Variants in CDH12 observed in about 807,000 individuals in gnomAD.
CDH12 encodes cadherin 12.
A neutral mutation model predicts 74.1 loss-of-function variants in CDH12; 41 were observed. The ratio of observed to expected loss-of-function variants is 0.55; its 90% CI spans 0.43 to 0.72. CDH12 has a LOEUF of 0.72. CDH12 is among the 30% of genes least tolerant of loss of function. The pLI is 0.00. For missense variants in CDH12, 945 were observed against 977.2 expected, an observed-to-expected ratio of 0.97 and a Z score of 0.44; for synonymous variants, 399 against 355.0, an observed-to-expected ratio of 1.12 and a Z score of -1.39.
In CDH12 at chr5:22,698,739, T is replaced by TATATA. The variant is rs1561586186; in HGVS notation, c.-523+154318_-523+154319insTATAT. Among the ~76,000 whole-genome samples, 4 of 27,708 alleles carry TATATA rather than the reference T, an allele frequency of 1.4e-4. 1 individual carries two copies. Among genetic ancestry groups the TATATA allele is most frequent in the South Asian group, 3.0e-3 (2 of 670 alleles). 18.2% of individuals were successfully genotyped at this position (27,708 alleles called of 152,430 possible). On this transcript the variant is annotated intron_variant, in intron 1 of 14. Coordinates refer to ENST00000382254, the MANE Select transcript of CDH12 (RefSeq NM_004061.5). ...TATATATATATATATATATATAGTG[T>TATATA]GTGTGTGTGTGTGTGTGTGTGTGTG...
chr5:22,576,705 A>G (rs1210768887), intron 1 of CDH12, among the ~76,000 whole-genome samples: 1 of 149,612 alleles, frequency 6.7e-6, no homozygotes, highest in East Asian at 2.0e-4. Flanking sequence ...TAGATCTCCA[A>G]GGAGGCGATG....
At chr5:22,654,153 C>A (rs1229249415) in intron 1 of CDH12, among the ~76,000 whole-genome samples, 1 of 149,474 alleles carries the variant, frequency 6.7e-6, no homozygotes, top group Non-Finnish European at 1.5e-5. Flanking sequence ...TTCTTTCTTC[C>A]TTCCTTCCCT....
At chr5:22,830,980 A>C (rs574011253) in intron 1 of CDH12, among the ~76,000 whole-genome samples, 2 of 151,880 alleles carry the variant, frequency 1.3e-5, no homozygotes, top group Admixed American at 1.3e-4. Flanking sequence ...GCTATTTTAT[A>C]TAATTTATGA....
intron 8 of CDH12, among the ~76,000 whole-genome samples, chr5:21,841,853 T>G: frequency 9.1e-6 from 1 of 109,710 alleles, no homozygotes; most frequent in East Asian, 2.9e-4. Context: ...CTCTGGGGAC[T>G]GTTGTGGGGT....
chr5:21,769,328 A>C (rs114179733), intron 11 of CDH12, among the ~76,000 whole-genome samples: 1,567 of 152,202 alleles, frequency 0.01, 27 homozygotes, highest in African/African-American at 0.033. Flanking sequence ...ATTATTGCTT[A>C]AAGATGACAT....
In CDH12 at chr5:22,371,191, G is replaced by T. The variant is rs933252665; in HGVS notation, c.-333+34066C>A. ...AATTTAGTAACTGTAATTTGTCTAG[G>T]TGCCACTTTAAGAACAGAATTCAAA... On this transcript the variant is annotated intron_variant, in intron 3 of 14. Coordinates refer to ENST00000382254, the MANE Select transcript of CDH12 (RefSeq NM_004061.5). Among the ~76,000 whole-genome samples, 3 of 152,024 alleles carry T rather than the reference G, an allele frequency of 2.0e-5. No individual in the cohort carries two copies. In the East Asian group the frequency reaches 5.8e-4, roughly 29 times the overall value.
chr5:22,533,211 G>A (rs1458828952), intron 1 of CDH12, among the ~76,000 whole-genome samples: 1 of 152,076 alleles, frequency 6.6e-6, no homozygotes, highest in Non-Finnish European at 1.5e-5. Context: ...TGGACGAAGG[G>A]CACTCCCAGC....
At chr5:22,626,149 C>T (rs1292635310) in intron 1 of CDH12, among the ~76,000 whole-genome samples, 2 of 152,178 alleles carry the variant, frequency 1.3e-5, no homozygotes, top group African/African-American at 4.8e-5. Context: ...CCCCCCCCAA[C>T]ATGTGGGCAC....
intron 5 of CDH12, among the ~76,000 whole-genome samples, chr5:22,069,210 G>T (rs1024733110): frequency 4.6e-5 from 7 of 152,086 alleles, no homozygotes; most frequent in African/African-American, 1.7e-4. Context: ...GTACAGTAAT[G>T]AACCCATGCT....
Position 22,783,888 on chromosome 5 carries a change from C to T in CDH12, c.-523+69170G>A, listed in dbSNP as rs146192460. Among the ~76,000 whole-genome samples the T allele has an allele frequency of 6.5e-3, 988 of 152,068 alleles. 10 individuals carry two copies. The highest frequency in any genetic ancestry group is 0.023 in the African/African-American group (954 of 41,484). On this transcript the variant is annotated intron_variant, in intron 1 of 14. Coordinates refer to ENST00000382254, the MANE Select transcript of CDH12 (RefSeq NM_004061.5). ...CCTGAATCATTTTATTATTTTATAG[C>T]GATTCTCCTCCCTGCTTTTTTTCCC...
At chr5:22,006,879 G>T (rs1376274187) in intron 5 of CDH12, among the ~76,000 whole-genome samples, 2 of 151,882 alleles carry the variant, frequency 1.3e-5, no homozygotes, top group Admixed American at 6.6e-5. Context: ...ATTAAAATTA[G>T]TATTATGTTT....
chr5:22,217,256 G>T (rs1751838917), intron 3 of CDH12, among the ~76,000 whole-genome samples: 1 of 151,680 alleles, frequency 6.6e-6, no homozygotes, highest in Non-Finnish European at 1.5e-5. Context: ...TTCTTTAAAA[G>T]GTCATGGTTA....
At chr5:22,532,265 T>G (rs1737616052) in intron 1 of CDH12, among the ~76,000 whole-genome samples, 1 of 147,802 alleles carries the variant, frequency 6.8e-6, no homozygotes, top group East Asian at 2.0e-4. Flanking sequence ...GAATTTTACC[T>G]GCACGACATG....
chr5:21,979,000 T>A lies in CDH12; in HGVS notation c.232-3615A>T, dbSNP rs150518264. ...ATTTGCACAAAGAAGGAAGGAGGGC[T>A]ACAGATAAAAAGAACTCATAGTCTT... is the stretch of plus-strand genomic sequence containing the variant. On this transcript the variant is annotated intron_variant, in intron 5 of 14. Coordinates refer to ENST00000382254, the MANE Select transcript of CDH12 (RefSeq NM_004061.5). Among the ~76,000 whole-genome samples, 537 of 152,246 alleles carry A rather than the reference T, an allele frequency of 3.5e-3. 4 individuals are homozygous for A. The highest frequency in any genetic ancestry group is 0.012 in the African/African-American group (502 of 41,546).
At chr5:21,914,128 G>A (rs1428432728) in intron 6 of CDH12, among the ~76,000 whole-genome samples, 1 of 152,142 alleles carries the variant, frequency 6.6e-6, no homozygotes, top group Admixed American at 6.5e-5. Flanking sequence ...TCCTAAGATG[G>A]CATAGACACT....
intron 3 of CDH12, among the ~76,000 whole-genome samples, chr5:22,359,268 G>T (rs186462437): frequency 2.0e-3 from 306 of 152,190 alleles, no homozygotes; most frequent in Middle Eastern, 6.8e-3. Flanking sequence ...AAAAAAGGCA[G>T]GGGTTGCAAT....
At chr5:21,769,519 T>C (rs1418261704) in intron 11 of CDH12, among the ~76,000 whole-genome samples, 1 of 152,136 alleles carries the variant, frequency 6.6e-6, no homozygotes, top group Non-Finnish European at 1.5e-5. Flanking sequence ...GAAAGGAGGA[T>C]AGATCTCACT....
At chr5:22,217,384 T>A (rs1751843700) in intron 3 of CDH12, among the ~76,000 whole-genome samples, 1 of 151,818 alleles carries the variant, frequency 6.6e-6, no homozygotes, top group African/African-American at 2.4e-5. Flanking sequence ...GAGAGCATAC[T>A]TAAAGAATGG....
intron 3 of CDH12, among the ~76,000 whole-genome samples, chr5:22,244,770 A>AAG (rs1317872929): frequency 2.4e-5 from 3 of 123,726 alleles, no homozygotes; most frequent in Non-Finnish European, 3.7e-5. Context: ...GAAAGAAAGA[A>AAG]AGAAAGAAAG....
Sources: allele counts gnomAD v4.1 joint callset (sites outside exome capture counted in the v4.1 genomes callset), GRCh38; gene constraint gnomAD v4.1.1; transcripts MANE v1.5; gene names NCBI Gene and HGNC (gene_info 2026-07-23, HGNC 2026-07-21).